The following SOX5 variants were observed in gnomAD, a reference collection of about 807,000 sequenced individuals.
SOX5 encodes SRY-box transcription factor 5.
A neutral mutation model predicts 92.0 loss-of-function variants in SOX5; 9 were observed. The observed-to-expected ratio is 0.10, with a 90% CI of 0.06 to 0.17. The LOEUF (loss-of-function observed/expected upper bound fraction) is 0.17, where lower values mean the gene tolerates loss of function less well. Among genes scored for constraint, SOX5 ranks in the 10% least tolerant of loss-of-function variants. SOX5 has a pLI of 1.00. For synonymous variants in SOX5, 344 were observed against 336.3 expected, an observed-to-expected ratio of 1.02 and a Z score of -0.25; for missense variants, 642 against 944.5, an observed-to-expected ratio of 0.68 and a Z score of 4.20.
chr12:24,195,816 CTT>C (rs1956956416), intron 4 of SOX5, among the ~76,000 whole-genome samples: 1 of 152,134 alleles, frequency 6.6e-6, no homozygotes, highest in Non-Finnish European at 1.5e-5. Flanking sequence ...TTAAGAACAA[CTT>C]AATACTCTTA....
chr12:24,289,546 C>T (rs1205148130), intron 2 of SOX5, among the ~76,000 whole-genome samples: 2 of 121,268 alleles, frequency 1.6e-5, no homozygotes, highest in Non-Finnish European at 3.2e-5. Flanking sequence ...CTCCGCCTCC[C>T]GGGTTCACGC....
At chr12:23,866,394 G>A (rs552943423) in intron 2 of SOX5, among the ~76,000 whole-genome samples, 15 of 152,108 alleles carry the variant, frequency 9.9e-5, no homozygotes, top group Non-Finnish European at 1.6e-4. Flanking sequence ...TTAGTAATGC[G>A]AAAGTGCCCA....
At chr12:24,303,690 C>T (rs1244832496) in intron 2 of SOX5, among the ~76,000 whole-genome samples, 1 of 152,126 alleles carries the variant, frequency 6.6e-6, no homozygotes, top group Non-Finnish European at 1.5e-5. Context: ...TAACACATCA[C>T]ATGAGTAAAT....
chr12:23,997,845 A>G (rs1951184915), intron 4 of SOX5, among the ~76,000 whole-genome samples: 2 of 152,220 alleles, frequency 1.3e-5, no homozygotes, highest in Non-Finnish European at 2.9e-5. Context: ...AAAAAGAAAC[A>G]TTAGGCAGAG....
chr12:24,057,144 T>C (rs1407491733), intron 4 of SOX5, among the ~76,000 whole-genome samples: 4 of 151,310 alleles, frequency 2.6e-5, no homozygotes, highest in Non-Finnish European at 5.9e-5. Flanking sequence ...TTCAAATAGA[T>C]AAAAGAAGGA....
intron 2 of SOX5, among the ~76,000 whole-genome samples, chr12:23,890,288 C>T (rs867541743): frequency 6.6e-6 from 1 of 150,942 alleles, no homozygotes; most frequent in South Asian, 2.1e-4. Flanking sequence ...TCATTGCACT[C>T]CAGCCTAGGC....
chr12:24,335,972 C>CATGCTATCATATATATATATATATAT (rs1555235767), intron 2 of SOX5, among the ~76,000 whole-genome samples: 1 of 58,612 alleles, frequency 1.7e-5, no homozygotes, highest in Non-Finnish European at 3.1e-5. Context: ...GAAATGCTAT[C>CATGCTATCATATATATATATATATAT]ATATATATAT....
intron 1 of SOX5, among the ~76,000 whole-genome samples, chr12:24,468,944 C>G (rs1047171657): frequency 1.3e-5 from 2 of 152,090 alleles, no homozygotes; most frequent in Non-Finnish European, 2.9e-5. Flanking sequence ...TTCCACAGAC[C>G]AGGGTGGAAG....
At chr12:23,758,618 T>C (rs1432992373) in intron 3 of SOX5, among the ~76,000 whole-genome samples, 1 of 152,020 alleles carries the variant, frequency 6.6e-6, no homozygotes, top group African/African-American at 2.4e-5. Context: ...AGCTAAATTC[T>C]ACCTATTGGA....
At chr12:24,159,555 T>C (rs2138961946) in intron 4 of SOX5, among the ~76,000 whole-genome samples, 1 of 152,132 alleles carries the variant, frequency 6.6e-6, no homozygotes, top group African/African-American at 2.4e-5. Flanking sequence ...ATGAACTCAT[T>C]ATCCATCAAT....
Position 23,530,559 on chromosome 12 carries a change from AACTTCACAAATGG to A in SOX5, c.*3647_*3659del, listed in dbSNP as rs1407310200. ...AACTCTTAACTGCAGATGCCAAATG[AACTTCACAAATGG>A]ACTTCACTAATTTAGGTATAAATGT... On this transcript the variant is annotated 3_prime_UTR_variant, in exon 15 of 15. Transcript: ENST00000451604. The A allele has an allele frequency of 6.6e-6, 1 of 152,176 alleles. No homozygotes were observed. Among genetic ancestry groups the A allele is most frequent in the East Asian group, 1.9e-4 (1 of 5,190 alleles). 9.4% of individuals were successfully genotyped at this position (152,176 alleles called of 1,614,324 possible).
intron 8 of SOX5, among the ~76,000 whole-genome samples, chr12:23,632,979 T>C (rs181741045): frequency 6.6e-6 from 1 of 152,248 alleles, no homozygotes; most frequent in East Asian, 1.9e-4. Context: ...AAAAGTTTAA[T>C]TAAGTCAATA....
chr12:24,486,307 C>T (rs755892604), intron 1 of SOX5, among the ~76,000 whole-genome samples: 1 of 152,148 alleles, frequency 6.6e-6, no homozygotes, highest in Non-Finnish European at 1.5e-5. Flanking sequence ...TAACCTGGTC[C>T]AGCCACTACC....
At chr12:23,929,122 C>T (rs1456819140) in intron 1 of SOX5, among the ~76,000 whole-genome samples, 4 of 151,652 alleles carry the variant, frequency 2.6e-5, no homozygotes, top group Non-Finnish European at 4.4e-5. Context: ...AAAAGTGGAA[C>T]AATCAGAAGA....
chr12:24,463,993 C>T (rs903273753), intron 1 of SOX5, among the ~76,000 whole-genome samples: 2 of 152,146 alleles, frequency 1.3e-5, no homozygotes, highest in Non-Finnish European at 2.9e-5. Context: ...AACAACTAAT[C>T]TAAAATTTCC....
chr12:23,621,091 T>A (rs2077120668), intron 8 of SOX5, among the ~76,000 whole-genome samples: 3 of 152,128 alleles, frequency 2.0e-5, no homozygotes, highest in Admixed American at 1.3e-4. Flanking sequence ...TCCACAATTC[T>A]TAACATTTAT....
chr12:23,908,354 C>T (rs1359208501), intron 1 of SOX5, among the ~76,000 whole-genome samples: 1 of 151,856 alleles, frequency 6.6e-6, no homozygotes, highest in African/African-American at 2.4e-5. Context: ...TCTAAGTAGT[C>T]CAATGAAGAG....
intron 3 of SOX5, among the ~76,000 whole-genome samples, chr12:23,808,132 T>TA (rs1491101131): frequency 1.3e-4 from 19 of 151,908 alleles, no homozygotes; most frequent in Middle Eastern, 6.8e-3. Flanking sequence ...TATATATATA[T>TA]TTTTATATGA....
intron 9 of SOX5, among the ~76,000 whole-genome samples, chr12:23,587,964 C>T (rs1321754317): frequency 2.0e-5 from 3 of 152,020 alleles, no homozygotes; most frequent in African/African-American, 7.2e-5. Flanking sequence ...TGATTTATAG[C>T]TGATGTCTGC....
Sources: allele counts gnomAD v4.1 joint callset (sites outside exome capture counted in the v4.1 genomes callset), GRCh38; gene constraint gnomAD v4.1.1; transcripts MANE v1.5; gene names NCBI Gene and HGNC (gene_info 2026-07-23, HGNC 2026-07-21).